Variants in ABLIM1 observed in about 807,000 individuals in gnomAD.
ABLIM1 encodes the protein actin-binding LIM protein 1.
Under a neutral mutation model 107.0 loss-of-function variants are expected in ABLIM1, and 40 were observed. That is an observed-to-expected ratio of 0.37 (90% confidence interval 0.29 to 0.49). The LOEUF (loss-of-function observed/expected upper bound fraction) is 0.49. ABLIM1 is among the 20% of genes least tolerant of loss of function. The pLI, the probability that ABLIM1 is intolerant of heterozygous loss-of-function variation, is 0.97. For missense variants in ABLIM1, 857 were observed against 1,008.5 expected, an observed-to-expected ratio of 0.85 and a Z score of 2.04; for synonymous variants, 357 against 357.3, an observed-to-expected ratio of 1.00 and a Z score of 0.01.
At chr10:114,712,209 C>T (rs948272598) in intron 1 of ABLIM1, among the ~76,000 whole-genome samples, 11 of 151,552 alleles carry the variant, frequency 7.3e-5, no homozygotes, top group South Asian at 4.2e-4. Flanking sequence ...AAAAATTAGC[C>T]AGGCATGGTG....
chr10:114,754,043 G>C (rs950308247), intron 1 of ABLIM1, among the ~76,000 whole-genome samples: 1 of 152,048 alleles, frequency 6.6e-6, no homozygotes, highest in Non-Finnish European at 1.5e-5. Context: ...TAGTAGAGAC[G>C]GCGTTTCACC....
intron 1 of ABLIM1, among the ~76,000 whole-genome samples, chr10:114,721,651 T>G (rs1415954545): frequency 6.6e-6 from 1 of 151,952 alleles, no homozygotes. Flanking sequence ...CTGGCTAATT[T>G]TTGTATTTTT....
chr10:114,466,440 C>G (rs2065178603), intron 11 of ABLIM1, among the ~76,000 whole-genome samples: 1 of 135,880 alleles, frequency 7.4e-6, no homozygotes, highest in Non-Finnish European at 1.6e-5. Context: ...TGTTCACATA[C>G]CTACCAGATC....
chr10:114,573,552 A>T (rs531328886), intron 3 of ABLIM1, among the ~76,000 whole-genome samples: 2 of 152,350 alleles, frequency 1.3e-5, no homozygotes, highest in East Asian at 3.9e-4. Context: ...CTTAGAGTTT[A>T]CTGGGAACAC....
At chr10:114,622,636 A>G (rs2077541791) in intron 1 of ABLIM1, among the ~76,000 whole-genome samples, 2 of 152,188 alleles carry the variant, frequency 1.3e-5, no homozygotes, top group South Asian at 4.1e-4. Context: ...ACAGACTACT[A>G]GAACATAGAC....
At chr10:114,604,057 T>G (rs989270894) in intron 1 of ABLIM1, among the ~76,000 whole-genome samples, 2 of 152,210 alleles carry the variant, frequency 1.3e-5, no homozygotes, top group African/African-American at 4.8e-5. Context: ...CAAGTGGTAT[T>G]TATTGGCATC....
chr10:114,558,125 CG>C (rs2069049181), intron 4 of ABLIM1, among the ~76,000 whole-genome samples: 1 of 152,110 alleles, frequency 6.6e-6, no homozygotes, highest in South Asian at 2.1e-4. Context: ...CAGCGAGCAG[CG>C]GGACCCAGAC....
intron 1 of ABLIM1, among the ~76,000 whole-genome samples, chr10:114,615,318 G>C (rs2077062517): frequency 6.6e-6 from 1 of 152,002 alleles, no homozygotes; most frequent in Non-Finnish European, 1.5e-5. Context: ...AGATCTCCAG[G>C]CATGCTTTTC....
At chr10:114,581,554 G>T (rs886314217) in intron 2 of ABLIM1, among the ~76,000 whole-genome samples, 9 of 152,244 alleles carry the variant, frequency 5.9e-5, no homozygotes, top group African/African-American at 1.9e-4. Context: ...TCTCATACAG[G>T]TTTTAATCAA....
the ABLIM1 span, among the ~76,000 whole-genome samples, chr10:114,787,706 G>C: frequency 2.3e-5 from 1 of 42,612 alleles, no homozygotes. Context: ...GGAGGGAGGT[G>C]GGGGGGTCAG....
chr10:114,519,179 C>G (rs1045810076), intron 6 of ABLIM1, among the ~76,000 whole-genome samples: 1 of 152,170 alleles, frequency 6.6e-6, no homozygotes, highest in African/African-American at 2.4e-5. Flanking sequence ...CTGAGGTCTA[C>G]TTTTGCCTTA....
chr10:114,677,073 T>A (rs537990975), intron 1 of ABLIM1, among the ~76,000 whole-genome samples: 1 of 152,150 alleles, frequency 6.6e-6, no homozygotes, highest in Non-Finnish European at 1.5e-5. Flanking sequence ...CTCTTACTTC[T>A]GAAAAGCCTG....
At chr10:114,639,137 G>T (rs183799818) in intron 1 of ABLIM1, among the ~76,000 whole-genome samples, 13 of 152,210 alleles carry the variant, frequency 8.5e-5, no homozygotes, top group Admixed American at 8.5e-4. Flanking sequence ...CATACTCTTG[G>T]ATTTGTCAGT....
chr10:114,788,380 T>C, the ABLIM1 span, among the ~76,000 whole-genome samples: 1 of 146,482 alleles, frequency 6.8e-6, no homozygotes, highest in Non-Finnish European at 1.5e-5. Context: ...CAACCCAAGT[T>C]ACACAGCTAG....
intron 1 of ABLIM1, among the ~76,000 whole-genome samples, chr10:114,709,597 A>G (rs2081501766): frequency 6.6e-6 from 1 of 152,238 alleles, no homozygotes; most frequent in South Asian, 2.1e-4. Context: ...GCTACCAAAA[A>G]TAAAAGATAA....
intron 1 of ABLIM1, among the ~76,000 whole-genome samples, chr10:114,750,921 A>G (rs535129439): frequency 6.6e-6 from 1 of 152,350 alleles, no homozygotes; most frequent in African/African-American, 2.4e-5. Context: ...TTCTTAATTG[A>G]GTAGGATGTT....
At chr10:114,519,545 TCA>T (rs764475187) in intron 6 of ABLIM1, among the ~76,000 whole-genome samples, 1 of 152,146 alleles carries the variant, frequency 6.6e-6, no homozygotes, top group Non-Finnish European at 1.5e-5. Context: ...AATATCCTCA[TCA>T]CACAGACAGT....
At chr10:114,745,873 T>G (rs1164340611) in intron 1 of ABLIM1, among the ~76,000 whole-genome samples, 1 of 152,038 alleles carries the variant, frequency 6.6e-6, no homozygotes, top group Non-Finnish European at 1.5e-5. Flanking sequence ...AGAAATACAA[T>G]GAAAACATGA....
In ABLIM1 at chr10:114,488,008, C is replaced by T. The variant is rs200728197; in HGVS notation, c.991G>A (p.Val331Ile). 3.5e-5 allele frequency: 57 copies of T among 1,614,110 alleles called. No homozygotes were observed. The East Asian group carries it at 4.5e-4, about 13-fold the overall frequency. Residue 331 changes from valine to isoleucine, a missense_variant, in exon 8 of 23, where the codon GTT becomes ATT. Around this residue, in one of 5 missense-constraint regions of ABLIM1, gnomAD observed 381 missense variants for 506.9 expected, o/e 0.75. Coordinates refer to ENST00000533213, the MANE Select transcript of ABLIM1 (RefSeq NM_002313.7). ...GEEMYLQGSTVWHPDCKQSTK... is the reference protein window; with the variant it reads ...GEEMYLQGSTIWHPDCKQSTK... ...GATTGCTTACAGTCGGGATGCCAAA[C>T]GGTGGAGCCTGAGAAGACAGAATGC...
Sources: gnomAD v4.1 joint callset for allele counts (sites outside exome capture counted in the v4.1 genomes callset) on GRCh38, gnomAD v4.1.1 for gene constraint, gnomAD v4.1.1 regional missense constraint, MANE v1.5 for transcripts, NCBI Gene and HGNC (gene_info 2026-07-23, HGNC 2026-07-21) for gene names.